RPS6KC1: variants seen among roughly 807,000 people sequenced by gnomAD.
The protein encoded by RPS6KC1 is ribosomal protein S6 kinase C1.
RPS6KC1 carries 54 observed loss-of-function variants against 103.8 expected under a neutral mutation model. The observed-to-expected ratio is 0.52, with a 90% CI of 0.42 to 0.65. The LOEUF is 0.65. Ranked by LOEUF, RPS6KC1 falls within the 30% of genes least tolerant of loss-of-function variation. The pLI, the probability that RPS6KC1 is intolerant of heterozygous loss-of-function variation, is 0.00. For missense variants in RPS6KC1, 1,151 were observed against 1,253.8 expected, an observed-to-expected ratio of 0.92 and a Z score of 1.24; for synonymous variants, 439 against 438.7, an observed-to-expected ratio of 1.00 and a Z score of -0.01.
chr1:213,169,966 G>C (rs2091343584), intron 7 of RPS6KC1, among the ~76,000 whole-genome samples: 1 of 151,996 alleles, frequency 6.6e-6, no homozygotes, highest in Non-Finnish European at 1.5e-5. Context: ...ATTTTTAGTA[G>C]AGATGGGGTT....
the RPS6KC1 span, among the ~76,000 whole-genome samples, chr1:213,480,594 A>G: frequency 2.0e-5 from 3 of 152,108 alleles, no homozygotes; most frequent in Non-Finnish European, 4.4e-5. Flanking sequence ...TTATAAAGGA[A>G]GGACTAAAAG....
At chr1:213,524,611 A>G in the RPS6KC1 span, among the ~76,000 whole-genome samples, 12 of 152,204 alleles carry the variant, frequency 7.9e-5, no homozygotes, top group African/African-American at 2.9e-4. Context: ...AAACCAAAGT[A>G]CAAATCCTGT....
In RPS6KC1 at chr1:213,219,172, T is replaced by A. The variant is rs192166906; in HGVS notation, c.1045-11325T>A. On this transcript the variant is annotated intron_variant, in intron 8 of 14. Coordinates refer to ENST00000366960, the MANE Select transcript of RPS6KC1 (RefSeq NM_012424.6). ...AACTCCAACAAATTTACAAGAAAAA[T>A]GTAACCCCATCAACAAGTGGGTGAA... Among the ~76,000 whole-genome samples, 1,068 of 150,758 alleles carry A rather than the reference T, an allele frequency of 7.1e-3. 14 individuals are homozygous for A. The highest frequency in any genetic ancestry group is 0.024 in the African/African-American group (1,012 of 41,320).
At chr1:213,240,292 T>C (rs1041823447) in intron 10 of RPS6KC1, among the ~76,000 whole-genome samples, 1 of 152,160 alleles carries the variant, frequency 6.6e-6, no homozygotes, top group Non-Finnish European at 1.5e-5. Flanking sequence ...ACAGCACTTA[T>C]TTATGTATTT....
intron 6 of RPS6KC1, among the ~76,000 whole-genome samples, chr1:213,146,949 G>C (rs759394724): frequency 2.4e-4 from 36 of 152,130 alleles, no homozygotes; most frequent in Non-Finnish European, 2.2e-4. Flanking sequence ...CTGATGATCA[G>C]TGATGTTGAG....
chr1:213,829,665 A>G, the RPS6KC1 span, among the ~76,000 whole-genome samples: 1 of 152,184 alleles, frequency 6.6e-6, no homozygotes, highest in African/African-American at 2.4e-5. Flanking sequence ...AAAGAGAGAA[A>G]TTTATCTCCA....
chr1:213,474,016 T>C, the RPS6KC1 span, among the ~76,000 whole-genome samples: 1 of 152,180 alleles, frequency 6.6e-6, no homozygotes, highest in South Asian at 2.1e-4. Context: ...AGCACTTCCC[T>C]CTCTCTCCTT....
At chr1:213,486,065 A>C in the RPS6KC1 span, among the ~76,000 whole-genome samples, 1 of 152,208 alleles carries the variant, frequency 6.6e-6, no homozygotes, top group East Asian at 1.9e-4. Context: ...CTAAACATGC[A>C]TGAGTTCACT....
At chr1:213,466,710 A>T in the RPS6KC1 span, among the ~76,000 whole-genome samples, 1 of 152,196 alleles carries the variant, frequency 6.6e-6, no homozygotes, top group Admixed American at 6.5e-5. Flanking sequence ...ATGTATCTTT[A>T]TCATTAGCAA....
At chr1:213,858,320 A>G in the RPS6KC1 span, among the ~76,000 whole-genome samples, 2 of 152,154 alleles carry the variant, frequency 1.3e-5, no homozygotes, top group Non-Finnish European at 2.9e-5. Context: ...TGAGCACTCC[A>G]GTGACTAACC....
chr1:213,357,410 A>G, the RPS6KC1 span, among the ~76,000 whole-genome samples: 1 of 152,220 alleles, frequency 6.6e-6, no homozygotes, highest in African/African-American at 2.4e-5. Flanking sequence ...AGAGGGGGTA[A>G]GGATGTTGGA....
At chr1:213,790,465 G>A in the RPS6KC1 span, among the ~76,000 whole-genome samples, 1 of 151,998 alleles carries the variant, frequency 6.6e-6, no homozygotes, top group Admixed American at 6.6e-5. Context: ...AAAAAACTAT[G>A]GTATTTTGTG....
the RPS6KC1 span, among the ~76,000 whole-genome samples, chr1:213,774,025 G>C: frequency 6.6e-6 from 1 of 152,172 alleles, no homozygotes; most frequent in African/African-American, 2.4e-5. Flanking sequence ...GGTATGTGTG[G>C]TTTTCCTCAC....
chr1:213,722,401 C>A, the RPS6KC1 span, among the ~76,000 whole-genome samples: 1 of 152,136 alleles, frequency 6.6e-6, no homozygotes, highest in South Asian at 2.1e-4. Flanking sequence ...TGTGATGTTA[C>A]AATACAGTTA....
chr1:213,695,561 A>G, the RPS6KC1 span, among the ~76,000 whole-genome samples: 1 of 152,136 alleles, frequency 6.6e-6, no homozygotes, highest in Non-Finnish European at 1.5e-5. Context: ...TGAAGAGCCC[A>G]TTGGGAAAAA....
the RPS6KC1 span, among the ~76,000 whole-genome samples, chr1:213,591,602 A>C: frequency 6.6e-6 from 1 of 152,198 alleles, no homozygotes; most frequent in African/African-American, 2.4e-5. Context: ...TGCCAGCCTG[A>C]TGATGGTAGA....
At chr1:213,848,623 G>C in the RPS6KC1 span, among the ~76,000 whole-genome samples, 13 of 152,008 alleles carry the variant, frequency 8.6e-5, no homozygotes, top group African/African-American at 3.1e-4. Context: ...ATTTCCCCAA[G>C]AACCTTCATA....
chr1:213,468,942 C>A, the RPS6KC1 span, among the ~76,000 whole-genome samples: 1 of 152,176 alleles, frequency 6.6e-6, no homozygotes, highest in Admixed American at 6.5e-5. Context: ...CATCACTCCT[C>A]ACATGGCCCA....
At chr1:213,338,796 G>A in the RPS6KC1 span, among the ~76,000 whole-genome samples, 18 of 146,876 alleles carry the variant, frequency 1.2e-4, no homozygotes, top group East Asian at 1.4e-3. Context: ...TGAGAGACAA[G>A]GTGTCACTAT....
Sources: gnomAD v4.1 joint callset for allele counts (sites outside exome capture counted in the v4.1 genomes callset) on GRCh38, gnomAD v4.1.1 for gene constraint, MANE v1.5 for transcripts, NCBI Gene and HGNC (gene_info 2026-07-23, HGNC 2026-07-21) for gene names.